ACBD6: variants seen among roughly 807,000 people sequenced by gnomAD.
ACBD6 encodes the protein acyl-CoA-binding domain-containing protein 6.
ACBD6 carries 28 observed loss-of-function variants against 37.2 expected under a neutral mutation model. That is an observed-to-expected ratio of 0.75 (90% CI 0.56 to 1.03). ACBD6 has a LOEUF of 1.03. Ranked by LOEUF, ACBD6 falls within the 50% of genes least tolerant of loss-of-function variation. The probability of loss-of-function intolerance (pLI) is 0.00; values close to 1 mark genes in which losing one functional copy is unlikely to be tolerated. For synonymous variants in ACBD6, 113 were observed against 126.8 expected (o/e 0.89, Z 0.73); for missense variants, 340 against 337.4 (o/e 1.01, Z -0.06).
chr1:180,358,325 G>C (rs1468048930), intron 6 of ACBD6, among the ~76,000 whole-genome samples: 1 of 152,130 alleles, frequency 6.6e-6, no homozygotes, highest in African/African-American at 2.4e-5. Context: ...TACTCAGTTG[G>C]CTGAGGCAGG....
intron 9 of ACBD6, chr1:180,277,753 C>T (rs1054647185): frequency 6.6e-5 from 10 of 151,654 alleles, no homozygotes; most frequent in African/African-American, 1.9e-4. Context: ...ATGAATATAA[C>T]GTAAAATAAA....
chr1:180,429,421 G>C (rs915920398), intron 4 of ACBD6, among the ~76,000 whole-genome samples: 3 of 152,132 alleles, frequency 2.0e-5, no homozygotes, highest in Non-Finnish European at 4.4e-5. Context: ...CATACATGTT[G>C]CAACAGCTGT....
intron 6 of ACBD6, among the ~76,000 whole-genome samples, chr1:180,368,717 CATAT>C (rs35113782): frequency 6.7e-6 from 1 of 148,418 alleles, no homozygotes; most frequent in Admixed American, 6.7e-5. Context: ...ATTATTTTTT[CATAT>C]ATATATATAT....
At chr1:180,338,757 GAGAAAATGTTTGCA>G (rs1438733031) in intron 6 of ACBD6, among the ~76,000 whole-genome samples, 1 of 152,112 alleles carries the variant, frequency 6.6e-6, no homozygotes, top group Non-Finnish European at 1.5e-5. Flanking sequence ...TACAGAATGG[GAGAAAATGTTTGCA>G]ATCTACTCAT....
At chr1:180,314,903 T>C (rs1650738478) in intron 6 of ACBD6, among the ~76,000 whole-genome samples, 181 bp from the exon 7 acceptor site, 1 of 152,158 alleles carries the variant, frequency 6.6e-6, no homozygotes, top group African/African-American at 2.4e-5. Flanking sequence ...TCCTGAAGAA[T>C]AAAGAATGAT....
chr1:180,389,629 G>C (rs1473427499), intron 6 of ACBD6, among the ~76,000 whole-genome samples: 6 of 152,220 alleles, frequency 3.9e-5, no homozygotes, highest in Non-Finnish European at 8.8e-5. Context: ...CAGTGTAAAA[G>C]TGTTCCTATT....
intron 5 of ACBD6, among the ~76,000 whole-genome samples, chr1:180,400,044 A>G (rs540394518): frequency 6.6e-6 from 1 of 152,288 alleles, no homozygotes; most frequent in Admixed American, 6.5e-5. Flanking sequence ...CACGTTCCTG[A>G]ATTTTCCTTA....
At chr1:180,423,354 T>C (rs556147256) in intron 4 of ACBD6, among the ~76,000 whole-genome samples, 13 of 152,342 alleles carry the variant, frequency 8.5e-5, no homozygotes, top group African/African-American at 3.1e-4. Context: ...CAGACAGTTA[T>C]AGAAACAAAC....
Position 180,502,418 on chromosome 1 carries a change from C to G in ACBD6, c.-152G>C. 1.2e-6 allele frequency: 1 copy of G among 804,024 alleles called. No homozygotes were observed. Among genetic ancestry groups the G allele is most frequent in the South Asian group, 1.5e-5 (1 of 67,450 alleles). 49.8% of individuals were successfully genotyped at this position (804,024 alleles called of 1,614,324 possible). A position where few individuals can be genotyped will look rare whatever the true frequency, so the allele number is the denominator to read the frequency against. On this transcript the variant is annotated 5_prime_UTR_variant, in exon 1 of 8. Transcript: ENST00000367595. ...TCGCGGCGCGCTCCCTCACGTGACC[C>G]TGCTCCCTGCCCACTTCTACTCCCT...
intron 3 of ACBD6, among the ~76,000 whole-genome samples, chr1:180,486,941 A>C (rs928386878): frequency 6.6e-6 from 1 of 152,166 alleles, no homozygotes. Context: ...TTATAAGGAA[A>C]CACCAGGCAA....
At chr1:180,472,110 G>A (rs1650593068) in intron 3 of ACBD6, among the ~76,000 whole-genome samples, 1 of 152,142 alleles carries the variant, frequency 6.6e-6, no homozygotes, top group African/African-American at 2.4e-5. Context: ...ATAGGGCAAG[G>A]CCAGACCTGA....
intron 3 of ACBD6, among the ~76,000 whole-genome samples, chr1:180,452,861 C>T (rs959694849): frequency 1.3e-5 from 2 of 152,142 alleles, no homozygotes; most frequent in African/African-American, 4.8e-5. Flanking sequence ...AAGACTAAAT[C>T]AGGAAGAAGT....
intron 6 of ACBD6, among the ~76,000 whole-genome samples, chr1:180,342,618 T>G (rs1170530939): frequency 1.3e-5 from 2 of 152,086 alleles, no homozygotes. Context: ...ACTATTATAA[T>G]TATGATGCCT....
At chr1:180,304,869 T>C (rs571374203) in intron 7 of ACBD6, among the ~76,000 whole-genome samples, 2 of 151,984 alleles carry the variant, frequency 1.3e-5, no homozygotes, top group African/African-American at 2.4e-5. Flanking sequence ...AAGGCTACAG[T>C]AACCAAAACA....
chr1:180,416,850 T>C (rs549050596), intron 4 of ACBD6, among the ~76,000 whole-genome samples: 1 of 152,254 alleles, frequency 6.6e-6, no homozygotes, highest in South Asian at 2.1e-4. Context: ...ATATTTCAAA[T>C]AGGTCTCATG....
chr1:180,301,100 G>C (rs570288065), intron 7 of ACBD6, among the ~76,000 whole-genome samples: 4 of 152,270 alleles, frequency 2.6e-5, no homozygotes, highest in Non-Finnish European at 5.9e-5. Flanking sequence ...GCAGTACCTA[G>C]CTCAAACATT....
intron 6 of ACBD6, among the ~76,000 whole-genome samples, chr1:180,376,193 C>G (rs1426956102): frequency 2.6e-5 from 4 of 152,180 alleles, no homozygotes; most frequent in African/African-American, 9.7e-5. Context: ...ATTGAAAAAG[C>G]TATAAGGAAA....
intron 6 of ACBD6, among the ~76,000 whole-genome samples, chr1:180,336,628 C>A (rs1242774780): frequency 1.3e-5 from 2 of 150,640 alleles, no homozygotes; most frequent in Non-Finnish European, 3.0e-5. Flanking sequence ...CAAACACATT[C>A]AAAAGCTAGC....
intron 3 of ACBD6, among the ~76,000 whole-genome samples, chr1:180,474,751 T>C (rs1571557674): frequency 6.6e-6 from 1 of 152,362 alleles, no homozygotes; most frequent in Non-Finnish European, 1.5e-5. Flanking sequence ...TGTTATATAA[T>C]TTCACCTACT....
Sources: allele counts gnomAD v4.1 joint callset (sites outside exome capture counted in the v4.1 genomes callset), GRCh38; gene constraint gnomAD v4.1.1; transcripts MANE v1.5; gene names NCBI Gene and HGNC (gene_info 2026-07-23, HGNC 2026-07-21).